Variants in PRKCH observed in about 807,000 individuals in gnomAD.
PRKCH encodes the protein protein kinase C eta type.
A neutral mutation model predicts 82.5 loss-of-function variants in PRKCH; 28 were observed. The ratio of observed to expected loss-of-function variants is 0.34; its 90% CI spans 0.25 to 0.47. The LOEUF (loss-of-function observed/expected upper bound fraction) is 0.47, where lower values mean the gene tolerates loss of function less well. Ranked by LOEUF, PRKCH falls within the 20% of genes least tolerant of loss-of-function variation. The pLI is 1.00. For synonymous variants in PRKCH, 322 were observed against 327.4 expected (o/e 0.98, Z 0.18); for missense variants, 705 against 881.8 (o/e 0.80, Z 2.54).
At chr14:61,320,957 C>T (rs2045611093), upstream of PRKCH, among the ~76,000 whole-genome samples, 2 of 152,214 alleles carry the variant, frequency 1.3e-5, no homozygotes, top group Admixed American at 1.3e-4. Flanking sequence ...TCCAGAAGAA[C>T]CGACCTTTCC....
chr14:61,282,886 T>A (rs2045284269), intron 1 of PRKCH, among the ~76,000 whole-genome samples: 1 of 152,130 alleles, frequency 6.6e-6, no homozygotes, highest in Non-Finnish European at 1.5e-5. Flanking sequence ...GTTCCCACAG[T>A]GTGATCCAGT....
At chr14:61,320,736 C>A (rs2140115310), upstream of PRKCH, among the ~76,000 whole-genome samples, 1 of 152,352 alleles carries the variant, frequency 6.6e-6, no homozygotes, top group Admixed American at 6.5e-5. Flanking sequence ...ACAAAATCTG[C>A]AGGGACCACG....
intron 1 of PRKCH, among the ~76,000 whole-genome samples, chr14:61,216,275 T>C (rs1385029384): frequency 1.3e-5 from 2 of 151,830 alleles, no homozygotes; most frequent in South Asian, 4.2e-4. Context: ...AGACCAGCCT[T>C]GCCAACATGG....
intron 1 of PRKCH, among the ~76,000 whole-genome samples, chr14:61,329,392 C>T (rs572253714): frequency 9.5e-4 from 145 of 151,988 alleles, no homozygotes; most frequent in South Asian, 2.5e-3. Context: ...CACACCACCA[C>T]GCCTGGCTAA....
At chr14:61,229,050 C>G (rs1214692881) in intron 1 of PRKCH, among the ~76,000 whole-genome samples, 1 of 151,910 alleles carries the variant, frequency 6.6e-6, no homozygotes, top group African/African-American at 2.4e-5. Context: ...CCCAGAAATT[C>G]CACTGGTAGG....
intron 1 of PRKCH, among the ~76,000 whole-genome samples, chr14:61,329,081 A>C (rs1295269477): frequency 6.6e-6 from 1 of 151,942 alleles, no homozygotes; most frequent in Non-Finnish European, 1.5e-5. Context: ...GATAAAAATG[A>C]GACCTAAGTG....
intron 9 of PRKCH, among the ~76,000 whole-genome samples, chr14:61,478,999 G>A (rs142441058): frequency 6.6e-4 from 100 of 152,346 alleles, no homozygotes; most frequent in Admixed American, 3.5e-3. Context: ...TACAACGGAT[G>A]TCTCATGCAA....
chr14:61,438,044 C>T (rs921664072), intron 2 of PRKCH, among the ~76,000 whole-genome samples: 18 of 152,112 alleles, frequency 1.2e-4, no homozygotes, highest in African/African-American at 4.1e-4. Flanking sequence ...TTATGCTGTG[C>T]TTATTAACTT....
At chr14:61,461,279 A>T (rs1007885416) in intron 9 of PRKCH, among the ~76,000 whole-genome samples, 1 of 152,162 alleles carries the variant, frequency 6.6e-6, no homozygotes, top group Non-Finnish European at 1.5e-5. Flanking sequence ...CACTTTGCCA[A>T]CGTAAAGCCC....
chr14:61,273,991 A>G (rs2045180563), intron 1 of PRKCH, among the ~76,000 whole-genome samples: 1 of 152,236 alleles, frequency 6.6e-6, no homozygotes, highest in African/African-American at 2.4e-5. Flanking sequence ...CTCTTGTAGG[A>G]CTAGCAGCCT....
chr14:61,455,261 C>T (rs568198950), intron 7 of PRKCH, among the ~76,000 whole-genome samples: 3 of 151,048 alleles, frequency 2.0e-5, no homozygotes, highest in East Asian at 1.9e-4. Flanking sequence ...AGGATGGTCT[C>T]GATCTCCTGA....
intron 9 of PRKCH, among the ~76,000 whole-genome samples, chr14:61,460,708 G>T (rs1370793681): frequency 2.0e-5 from 3 of 152,300 alleles, no homozygotes; most frequent in South Asian, 4.1e-4. Flanking sequence ...TTGCTGGGCT[G>T]CGTCTCTAAA....
Position 61,262,274 on chromosome 14 carries a change from A to C in PRKCH, c.-19+74606A>C, listed in dbSNP as rs191081478. On this transcript the variant is annotated intron_variant, in intron 1 of 3. Transcript: ENST00000555185. Reference sequence around the variant, plus strand: ...ATTACTCATAATAGCTCCAAACTGGAAACAGCCCAGACGTCCATTCATAGT... The same window carrying C: ...ATTACTCATAATAGCTCCAAACTGGCAACAGCCCAGACGTCCATTCATAGT... Among the ~76,000 whole-genome samples the C allele has an allele frequency of 9.1e-4, 138 of 151,956 alleles. 2 individuals are homozygous for C. The highest frequency in any genetic ancestry group is 8.8e-3 in the Admixed American group (134 of 15,248).
In PRKCH at chr14:61,352,654, AAGAAAG is replaced by A. The variant is rs200890016; in HGVS notation, c.363+30194_363+30199del. Among the ~76,000 whole-genome samples, 1,210 of 139,480 alleles carry A rather than the reference AAGAAAG, an allele frequency of 8.7e-3. 9 individuals carry two copies. Among genetic ancestry groups the A allele is most frequent in the South Asian group, 0.014 (62 of 4,304 alleles). The allele number at this position is 139,480 out of a possible 152,430, so 91.5% of individuals were successfully genotyped here. Reference sequence around the variant, plus strand: ...GACTCCATCTCAAAAGAAAGAAAGAAAGAAAGAGAGAGAGAGAGAGAGAGAGAAAGG... The same window carrying A: ...GACTCCATCTCAAAAGAAAGAAAGAAAGAGAGAGAGAGAGAGAGAGAAAGG... On this transcript the variant is annotated intron_variant, in intron 1 of 13. Transcript: ENST00000332981.
intron 2 of PRKCH, among the ~76,000 whole-genome samples, chr14:61,429,630 C>G (rs1468059731): frequency 6.6e-6 from 1 of 152,092 alleles, no homozygotes; most frequent in African/African-American, 2.4e-5. Flanking sequence ...AAAATCAAAT[C>G]TGTTTCAATT....
At chr14:61,498,931 C>T (rs1240935299) in intron 10 of PRKCH, among the ~76,000 whole-genome samples, 1 of 152,162 alleles carries the variant, frequency 6.6e-6, no homozygotes, top group Non-Finnish European at 1.5e-5. Flanking sequence ...TTTGCAGCTA[C>T]TTGGTTTGAT....
At chr14:61,484,232 A>G (rs1675843563) in intron 9 of PRKCH, among the ~76,000 whole-genome samples, 1 of 148,152 alleles carries the variant, frequency 6.7e-6, no homozygotes, top group African/African-American at 2.5e-5. Context: ...ACCAGATATC[A>G]CGCTTCCTCT....
chr14:61,356,636 C>T (rs2046154186), intron 1 of PRKCH, among the ~76,000 whole-genome samples: 1 of 151,972 alleles, frequency 6.6e-6, no homozygotes, highest in Non-Finnish European at 1.5e-5. Context: ...CTTGGGAGAT[C>T]TTGGGGGGAA....
At chr14:61,362,831 A>C (rs1242400342) in intron 1 of PRKCH, among the ~76,000 whole-genome samples, 1 of 152,196 alleles carries the variant, frequency 6.6e-6, no homozygotes, top group Non-Finnish European at 1.5e-5. Context: ...TCTGTCTTGG[A>C]GATGAGGTTA....
Sources: gnomAD v4.1 joint callset for allele counts (sites outside exome capture counted in the v4.1 genomes callset) on GRCh38, gnomAD v4.1.1 for gene constraint, MANE v1.5 for transcripts, NCBI Gene and HGNC (gene_info 2026-07-23, HGNC 2026-07-21) for gene names.